MTMR6: variants seen among roughly 807,000 people sequenced by gnomAD.
MTMR6 encodes the protein phosphatidylinositol-3,5-bisphosphate 3-phosphatase MTMR6.
MTMR6 carries 47 observed loss-of-function variants against 80.1 expected under a neutral mutation model. The ratio of observed to expected loss-of-function variants is 0.59; its 90% CI spans 0.46 to 0.75. The LOEUF is 0.75. Ranked by LOEUF, MTMR6 falls within the 30% of genes least tolerant of loss-of-function variation. The probability of loss-of-function intolerance (pLI) is 0.00; values close to 1 mark genes in which losing one functional copy is unlikely to be tolerated. For synonymous variants in MTMR6, 254 were observed against 253.0 expected (o/e 1.00, Z -0.04); for missense variants, 629 against 730.9 (o/e 0.86, Z 1.61).
intron 9 of MTMR6, among the ~76,000 whole-genome samples, chr13:25,255,491 C>T (rs1027931168): frequency 6.6e-6 from 1 of 152,120 alleles, no homozygotes; most frequent in Non-Finnish European, 1.5e-5. Flanking sequence ...CTCTTCTATC[C>T]CACATCCAAT....
At chr13:25,271,612 C>T (rs1017699224) in intron 2 of MTMR6, among the ~76,000 whole-genome samples, 2 of 152,178 alleles carry the variant, frequency 1.3e-5, no homozygotes, top group African/African-American at 4.8e-5. Context: ...GAGACACAAG[C>T]CCCATATTCT....
At chr13:25,257,447 A>G (rs1281521449) in intron 8 of MTMR6, 126 bp from the exon 9 acceptor site, 4 of 1,138,322 alleles carry the variant, frequency 3.5e-6, no homozygotes, top group Non-Finnish European at 4.8e-6. Context: ...ATGTCACAGC[A>G]TAATTTCCAA....
At chr13:25,258,405 GTTTATAATATA>G (rs1029658734) in intron 7 of MTMR6, among the ~76,000 whole-genome samples, 144 bp downstream of exon 7, 1 of 151,936 alleles carries the variant, frequency 6.6e-6, no homozygotes, top group Non-Finnish European at 1.5e-5. Flanking sequence ...TTAAAATAAT[GTTTATAATATA>G]TTAAGTAAGG....
intron 3 of MTMR6, among the ~76,000 whole-genome samples, chr13:25,266,857 C>G (rs1453930607): frequency 1.3e-5 from 2 of 152,220 alleles, no homozygotes; most frequent in Non-Finnish European, 2.9e-5. Context: ...TCTGAGACCA[C>G]TCTTGCAGGC....
In MTMR6 at chr13:25,270,102, A is replaced by G. The variant is rs1408615548; in HGVS notation, c.142-2161T>C. ...AAAATCTGAAATCTGAAATGCTCCA[A>G]TGAGCATTTCCTTTGAACATCATGT... On this transcript the variant is annotated intron_variant, in intron 2 of 13. Coordinates refer to ENST00000381801, the MANE Select transcript of MTMR6 (RefSeq NM_004685.5). Among the ~76,000 whole-genome samples the G allele has an allele frequency of 5.3e-5, 8 of 152,320 alleles. No homozygotes were observed. In the East Asian group the frequency reaches 1.5e-3, roughly 29 times the overall value.
At chr13:25,287,136 C>A in intron 1 of MTMR6, 88 bp downstream of exon 1, 1 of 1,520,560 alleles carries the variant, frequency 6.6e-7, no homozygotes, top group Non-Finnish European at 8.8e-7. Context: ...CTCCCAGCCC[C>A]AGTCAGGCCA....
intron 11 of MTMR6, among the ~76,000 whole-genome samples, 170 bp from the exon 12 acceptor site, chr13:25,252,154 CT>C (rs1957103280): frequency 1.3e-5 from 2 of 152,174 alleles, no homozygotes; most frequent in African/African-American, 4.8e-5. Context: ...CTCTATTCTC[CT>C]TTTTCATTCA....
intron 1 of MTMR6, among the ~76,000 whole-genome samples, chr13:25,276,712 A>G (rs957331121): frequency 6.6e-6 from 1 of 152,174 alleles, no homozygotes; most frequent in Non-Finnish European, 1.5e-5. Flanking sequence ...ATGTTAGCCT[A>G]TATTTTAATG....
chr13:25,263,573 G>A (rs1341777327), intron 5 of MTMR6, among the ~76,000 whole-genome samples: 1 of 152,118 alleles, frequency 6.6e-6, no homozygotes, highest in African/African-American at 2.4e-5. Flanking sequence ...GTTCTTTAAG[G>A]AAACCAACTT....
chr13:25,256,763 G>T (rs1187545465), intron 9 of MTMR6, among the ~76,000 whole-genome samples: 2 of 151,942 alleles, frequency 1.3e-5, no homozygotes, highest in Non-Finnish European at 2.9e-5. Context: ...TAAATAGAAG[G>T]TTTCCTTCAG....
chr13:25,252,599 C>A (rs1362318142), intron 11 of MTMR6, among the ~76,000 whole-genome samples: 1 of 152,170 alleles, frequency 6.6e-6, no homozygotes, highest in African/African-American at 2.4e-5. Flanking sequence ...TTTTCCATAA[C>A]TCCTAAGATG....
chr13:25,267,112 G>T (rs1019054557), intron 3 of MTMR6, among the ~76,000 whole-genome samples: 1 of 152,036 alleles, frequency 6.6e-6, no homozygotes, highest in South Asian at 2.1e-4. Context: ...GCCGGGTGTG[G>T]TGGTGGCTGC....
At position 25,274,129 on chromosome 13, in the gene MTMR6, G is replaced by A. The variant is rs761777003; in HGVS notation, c.83C>T (p.Thr28Ile). The part of the protein sequence containing the change: ...FSTSNKSLTG[T>I]LYLTATHLLF... ...TAGATGTGTAGCCGTAAGATACAGTGTTCCTGTTAATGACTTGTTGCTGGT... is the reference window on the plus strand; with the variant it reads ...TAGATGTGTAGCCGTAAGATACAGTATTCCTGTTAATGACTTGTTGCTGGT... The change falls in exon 2 of 14, where the codon ACA becomes ATA. Residue 28 changes from threonine (T) to isoleucine (I), a missense_variant. Coordinates refer to ENST00000381801, the MANE Select transcript of MTMR6 (RefSeq NM_004685.5). 3 of 1,613,302 alleles carry A rather than the reference G, an allele frequency of 1.9e-6. No homozygotes were observed. Among genetic ancestry groups the A allele is most frequent in the South Asian group, 1.1e-5 (1 of 90,920 alleles).
At chr13:25,276,844 A>G (rs1957738213) in intron 1 of MTMR6, among the ~76,000 whole-genome samples, 1 of 152,232 alleles carries the variant, frequency 6.6e-6, no homozygotes. Flanking sequence ...ATAAGTGCTT[A>G]CCATACATTA....
chr13:25,251,792 A>G lies in MTMR6; in HGVS notation c.1479-17T>C. On this transcript the variant is annotated splice_polypyrimidine_tract_variant and intron_variant, in intron 12 of 13. Coordinates refer to ENST00000381801, the MANE Select transcript of MTMR6 (RefSeq NM_004685.5). This position sits in a 1 kb window ranked among gnomAD's most constrained non-coding sequence, Gnocchi z 4.1. ...CTCCAAAACCTTTATGACAAAAAAA[A>G]GTTTCAATAAATTGTGTTTGAGAAA... is the stretch of plus-strand genomic sequence containing the variant. 3.1e-6 allele frequency: 5 copies of G among 1,603,652 alleles called. No individual in the cohort carries two copies. Among genetic ancestry groups the G allele is most frequent in the Non-Finnish European group, 4.2e-6 (5 of 1,177,180 alleles).
intron 8 of MTMR6, 83 bp downstream of exon 8, chr13:25,257,649 GAATA>G: frequency 2.1e-6 from 2 of 936,900 alleles, no homozygotes; most frequent in South Asian, 1.6e-5. Flanking sequence ...GTTATCTGAT[GAATA>G]GATACCAGCC....
chr13:25,253,696 A>G, intron 11 of MTMR6, 68 bp downstream of exon 11: 1 of 1,326,578 alleles, frequency 7.5e-7, no homozygotes, highest in Non-Finnish European at 1.0e-6. Context: ...TTAAGTTTCA[A>G]ACATGATTTT....
chr13:25,278,782 G>A (rs1376693315), intron 1 of MTMR6, among the ~76,000 whole-genome samples: 2 of 151,462 alleles, frequency 1.3e-5, no homozygotes, highest in East Asian at 3.9e-4. Flanking sequence ...CTACTTAGGA[G>A]GCTGAGGCAT....
intron 4 of MTMR6, 56 bp from the exon 5 acceptor site, chr13:25,266,003 A>G: frequency 6.3e-7 from 1 of 1,597,958 alleles, no homozygotes; most frequent in Non-Finnish European, 8.6e-7. Context: ...ACCACTTTAA[A>G]AACCTTTAAA....
Sources: allele counts gnomAD v4.1 joint callset (sites outside exome capture counted in the v4.1 genomes callset), GRCh38; gene constraint gnomAD v4.1.1; non-coding constraint Gnocchi (gnomAD v3.1); transcripts MANE v1.5; gene names NCBI Gene and HGNC (gene_info 2026-07-23, HGNC 2026-07-21).